The following VAT1L variants were observed in gnomAD, a reference collection of about 807,000 sequenced individuals.
VAT1L encodes putative NADPH-dependent quinone oxidoreductase VAT1L.
Under a neutral mutation model 44.1 loss-of-function variants are expected in VAT1L, and 34 were observed. The observed-to-expected ratio is 0.77, with a 90% CI of 0.59 to 1.03. The LOEUF is 1.03. Ranked by LOEUF, VAT1L falls within the 50% of genes least tolerant of loss-of-function variation. The probability of loss-of-function intolerance (pLI) is 0.00; values close to 1 mark genes in which losing one functional copy is unlikely to be tolerated. For missense variants in VAT1L, 615 were observed against 538.8 expected (o/e 1.14, Z -1.40); for synonymous variants, 253 against 202.2 (o/e 1.25, Z -2.13).
intron 3 of VAT1L, among the ~76,000 whole-genome samples, chr16:77,833,254 C>T (rs574438290): frequency 6.6e-6 from 1 of 152,110 alleles, no homozygotes; most frequent in East Asian, 1.9e-4. Flanking sequence ...GCGTATAAAT[C>T]AAATAGTCAC....
chr16:77,839,795 G>A (rs2016685471), intron 3 of VAT1L, among the ~76,000 whole-genome samples: 1 of 152,086 alleles, frequency 6.6e-6, no homozygotes, highest in Non-Finnish European at 1.5e-5. Flanking sequence ...ATGCTCAGCA[G>A]TTCAATAAGA....
chr16:77,896,366 T>G (rs544397483), intron 7 of VAT1L, among the ~76,000 whole-genome samples: 1 of 148,338 alleles, frequency 6.7e-6, no homozygotes, highest in East Asian at 2.2e-4. Flanking sequence ...TCCCATGGGC[T>G]TGCCTCCCTC....
chr16:77,951,808 T>A (rs2018046454), intron 7 of VAT1L, among the ~76,000 whole-genome samples: 1 of 147,518 alleles, frequency 6.8e-6, no homozygotes, highest in South Asian at 2.2e-4. Context: ...GTTTTCTGTA[T>A]CTGTGTTTTA....
chr16:77,906,814 G>C (rs147248881), intron 7 of VAT1L, among the ~76,000 whole-genome samples: 1,772 of 152,278 alleles, frequency 0.012, 15 homozygotes, highest in Non-Finnish European at 0.02. Flanking sequence ...CTAAAGGCAG[G>C]GCCCAAGGAA....
chr16:77,968,933 C>G (rs2142542214), intron 7 of VAT1L, among the ~76,000 whole-genome samples: 3 of 152,194 alleles, frequency 2.0e-5, no homozygotes, highest in South Asian at 4.2e-4. Context: ...ATTCTCCTGC[C>G]TCAGCCTCCC....
chr16:77,870,649 G>A (rs1004935352), intron 4 of VAT1L, among the ~76,000 whole-genome samples: 5 of 152,212 alleles, frequency 3.3e-5, no homozygotes, highest in Non-Finnish European at 5.9e-5. Context: ...TAATCCCCGA[G>A]CTGGGGCTAT....
intron 7 of VAT1L, among the ~76,000 whole-genome samples, chr16:77,922,997 C>G (rs2017628540): frequency 6.6e-6 from 1 of 152,232 alleles, no homozygotes; most frequent in African/African-American, 2.4e-5. Flanking sequence ...AGAGCCACCA[C>G]TGTACCTTGC....
At chr16:77,946,389 T>C (rs1328304388) in intron 7 of VAT1L, among the ~76,000 whole-genome samples, 1 of 146,058 alleles carries the variant, frequency 6.8e-6, no homozygotes, top group East Asian at 2.2e-4. Context: ...GTTCACACCA[T>C]TCTCCTGCCT....
At chr16:77,944,931 A>G (rs942872300) in intron 7 of VAT1L, among the ~76,000 whole-genome samples, 6 of 152,190 alleles carry the variant, frequency 3.9e-5, no homozygotes, top group African/African-American at 1.4e-4. Context: ...ACACACACAC[A>G]GAAACTAAAC....
chr16:77,877,307 G>A (rs1180499299), intron 5 of VAT1L, among the ~76,000 whole-genome samples: 3 of 151,870 alleles, frequency 2.0e-5, no homozygotes, highest in East Asian at 1.9e-4. Flanking sequence ...TCAGGAGATC[G>A]AGACCATCCT....
chr16:77,941,986 T>A (rs776409086), intron 7 of VAT1L, among the ~76,000 whole-genome samples: 29 of 152,238 alleles, frequency 1.9e-4, no homozygotes, highest in Non-Finnish European at 3.8e-4. Context: ...CATGTTATTT[T>A]TTTACTTTTT....
At chr16:77,857,833 TCTC>T (rs2016876489) in intron 3 of VAT1L, among the ~76,000 whole-genome samples, 1 of 145,914 alleles carries the variant, frequency 6.9e-6, no homozygotes, top group African/African-American at 2.6e-5. Flanking sequence ...ATATTATCTC[TCTC>T]TTTTTTTTTT....
intron 7 of VAT1L, among the ~76,000 whole-genome samples, chr16:77,900,487 C>T (rs71396129): frequency 0.091 from 13,794 of 151,866 alleles, 802 homozygotes; most frequent in Non-Finnish European, 0.14. Context: ...GTTAGGTCAG[C>T]AGTTTGAGAC....
intron 1 of VAT1L, among the ~76,000 whole-genome samples, chr16:77,792,776 A>C (rs1425062099): frequency 6.6e-6 from 1 of 152,158 alleles, no homozygotes; most frequent in Non-Finnish European, 1.5e-5. Context: ...TGTTGTTGTT[A>C]AAAACATGTT....
chr16:77,905,437 T>C (rs1158956912), intron 7 of VAT1L, among the ~76,000 whole-genome samples: 1 of 152,056 alleles, frequency 6.6e-6, no homozygotes, highest in Non-Finnish European at 1.5e-5. Context: ...TTTTCAGAAG[T>C]TCCCTGAAGG....
intron 2 of VAT1L, among the ~76,000 whole-genome samples, chr16:77,823,274 T>C (rs562326266): frequency 1.3e-5 from 2 of 152,226 alleles, no homozygotes; most frequent in East Asian, 3.9e-4. Context: ...TGAAACATCG[T>C]CATCATAGTT....
chr16:77,942,533 G>A (rs2017901012), intron 7 of VAT1L, among the ~76,000 whole-genome samples: 1 of 152,182 alleles, frequency 6.6e-6, no homozygotes, highest in South Asian at 2.1e-4. Context: ...TGGTAGTTCT[G>A]TTTTTAGCTC....
In VAT1L at chr16:77,956,727, G is replaced by A. The variant is rs368230311; in HGVS notation, c.1078-15123G>A. ...ATATATACCCCGCTTTAGACAAAGT[G>A]GGGGAGAACCGGCTTTTGATAAGAA... is the stretch of plus-strand genomic sequence containing the variant. On this transcript the variant is annotated intron_variant, in intron 7 of 8. Coordinates refer to ENST00000302536, the MANE Select transcript of VAT1L (RefSeq NM_020927.3). Among the ~76,000 whole-genome samples, 72 of 152,286 alleles carry A rather than the reference G, an allele frequency of 4.7e-4. 1 individual carries two copies. In the South Asian group the frequency reaches 5.6e-3, roughly 12 times the overall value.
intron 7 of VAT1L, among the ~76,000 whole-genome samples, chr16:77,960,533 T>C (rs949477063): frequency 1.7e-4 from 26 of 152,220 alleles, no homozygotes; most frequent in African/African-American, 6.3e-4. Context: ...TGAAGAGGCA[T>C]AGCTACTTCC....
Sources: gnomAD v4.1 joint callset for allele counts (sites outside exome capture counted in the v4.1 genomes callset) on GRCh38, gnomAD v4.1.1 for gene constraint, MANE v1.5 for transcripts, NCBI Gene and HGNC (gene_info 2026-07-23, HGNC 2026-07-21) for gene names.